Variants in EXOC4 observed in about 807,000 individuals in gnomAD.
The protein encoded by EXOC4 is exocyst complex component 4, also known as SEC8-like 1.
In EXOC4, 71 loss-of-function variants were observed where a neutral mutation model predicts 107.2. That is an observed-to-expected ratio of 0.66 (90% confidence interval 0.55 to 0.81). The LOEUF (loss-of-function observed/expected upper bound fraction) is 0.81, where lower values mean the gene tolerates loss of function less well. Ranked by LOEUF, EXOC4 falls within the 30% of genes least tolerant of loss-of-function variation. The pLI is 0.00. For missense variants in EXOC4, 1,108 were observed against 1,189.6 expected, an observed-to-expected ratio of 0.93 and a Z score of 1.01; for synonymous variants, 456 against 441.2, an observed-to-expected ratio of 1.03 and a Z score of -0.42.
At chr7:133,398,180 G>A (rs1035703183) in intron 7 of EXOC4, among the ~76,000 whole-genome samples, 7 of 152,266 alleles carry the variant, frequency 4.6e-5, no homozygotes, top group Middle Eastern at 6.8e-3. Flanking sequence ...CCTAGAATAA[G>A]GATTTTCTGC....
chr7:133,492,981 C>G (rs1399926444), intron 9 of EXOC4, among the ~76,000 whole-genome samples: 2 of 151,388 alleles, frequency 1.3e-5, no homozygotes, highest in African/African-American at 2.4e-5. Flanking sequence ...AGTGGTGGGT[C>G]TCTGGAATTG....
At position 133,802,827 on chromosome 7, in the gene EXOC4, G is replaced by A. The variant is rs1033257976; in HGVS notation, c.1515-14498G>A. 5.8e-5 allele frequency among the ~76,000 whole-genome samples: 8 copies of A among 137,906 alleles called. No homozygotes were observed. The East Asian group carries it at 8.5e-4, about 15-fold the overall frequency. 90.5% of individuals were successfully genotyped at this position (137,906 alleles called of 152,430 possible). The stretch of plus-strand genomic sequence containing the variant: ...CATGCCACTGCACTCCAGCCTGGGC[G>A]ACGAGCGAAACTCTGTCTCCACAAA... On this transcript the variant is annotated intron_variant, in intron 10 of 17. Coordinates refer to ENST00000253861, the MANE Select transcript of EXOC4 (RefSeq NM_021807.4).
chr7:133,625,365 C>T (rs1016084057), intron 9 of EXOC4, among the ~76,000 whole-genome samples: 3 of 152,266 alleles, frequency 2.0e-5, no homozygotes, highest in South Asian at 2.1e-4. Context: ...GGAATGCTGA[C>T]GCTCAGAGAA....
chr7:134,100,254 A>ACCACTGCACTCC, the EXOC4 span, among the ~76,000 whole-genome samples: 1,030 of 75,538 alleles, frequency 0.014, 123 homozygotes, highest in Admixed American at 0.021. Context: ...CTGCTGCCAC[A>ACCACTGCACTCC]AGCCTAGGAA....
intron 10 of EXOC4, among the ~76,000 whole-genome samples, chr7:133,808,376 T>C (rs936840462): frequency 6.6e-6 from 1 of 152,202 alleles, no homozygotes; most frequent in African/African-American, 2.4e-5. Context: ...TAAATATGCC[T>C]GTTGCTGCTG....
At chr7:133,497,588 G>A (rs1329339454) in intron 9 of EXOC4, among the ~76,000 whole-genome samples, 1 of 151,988 alleles carries the variant, frequency 6.6e-6, no homozygotes, top group African/African-American at 2.4e-5. Flanking sequence ...CTGCCAACAA[G>A]CCCAGCTAAC....
At chr7:133,697,476 A>G (rs1023901291) in intron 10 of EXOC4, among the ~76,000 whole-genome samples, 3 of 152,244 alleles carry the variant, frequency 2.0e-5, no homozygotes, top group African/African-American at 7.2e-5. Flanking sequence ...ATGTTAGAAT[A>G]TGGCTTGGAA....
At chr7:133,378,767 C>A (rs973004668) in intron 7 of EXOC4, among the ~76,000 whole-genome samples, 2 of 151,308 alleles carry the variant, frequency 1.3e-5, no homozygotes, top group Non-Finnish European at 2.9e-5. Context: ...TTGATTAATC[C>A]AGAAGAAAGG....
chr7:133,398,889 G>A (rs1255686585), intron 7 of EXOC4, among the ~76,000 whole-genome samples: 4 of 152,174 alleles, frequency 2.6e-5, no homozygotes, highest in Non-Finnish European at 4.4e-5. Context: ...AGAATGTAAA[G>A]CGATGTTTAA....
chr7:133,999,614 G>A (rs1157850309), intron 15 of EXOC4, among the ~76,000 whole-genome samples: 1 of 152,146 alleles, frequency 6.6e-6, no homozygotes, highest in Non-Finnish European at 1.5e-5. Context: ...ATTTGCAATA[G>A]ATGGAAGGAA....
chr7:133,821,253 A>G (rs1797514200), intron 11 of EXOC4, among the ~76,000 whole-genome samples: 1 of 152,206 alleles, frequency 6.6e-6, no homozygotes, highest in African/African-American at 2.4e-5. Context: ...TCTGAGTGGT[A>G]TTCTTTTTAT....
At chr7:133,367,201 A>G (rs760350789) in intron 6 of EXOC4, among the ~76,000 whole-genome samples, 1 of 152,186 alleles carries the variant, frequency 6.6e-6, no homozygotes, top group Non-Finnish European at 1.5e-5. Flanking sequence ...GCAGGTAGAT[A>G]ATTGAAGATT....
At chr7:133,735,046 T>TAAAAAAAA (rs3076789) in intron 10 of EXOC4, among the ~76,000 whole-genome samples, 8 of 94,698 alleles carry the variant, frequency 8.4e-5, no homozygotes, top group Non-Finnish European at 1.2e-4. Context: ...CCGTCTCTGC[T>TAAAAAAAA]AAAAAAAAAA....
intron 7 of EXOC4, among the ~76,000 whole-genome samples, chr7:133,437,155 A>G (rs1563065693): frequency 6.6e-6 from 1 of 152,130 alleles, no homozygotes; most frequent in African/African-American, 2.4e-5. Context: ...AGTACTGAAA[A>G]TATTTGCCCA....
chr7:133,800,205 A>G (rs924906701), intron 10 of EXOC4, among the ~76,000 whole-genome samples: 1 of 152,154 alleles, frequency 6.6e-6, no homozygotes, highest in Admixed American at 6.5e-5. Context: ...TCTGAAAACA[A>G]ATTTGAAATG....
intron 9 of EXOC4, among the ~76,000 whole-genome samples, chr7:133,512,723 G>T (rs1799795069): frequency 6.6e-6 from 1 of 152,188 alleles, no homozygotes; most frequent in Non-Finnish European, 1.5e-5. Context: ...CTGCGCTGTG[G>T]TTAAGCGTGG....
chr7:133,460,640 T>C (rs1225368595), intron 7 of EXOC4, among the ~76,000 whole-genome samples: 1 of 152,072 alleles, frequency 6.6e-6, no homozygotes, highest in Non-Finnish European at 1.5e-5. Flanking sequence ...AACCAAGCTG[T>C]CGACAGGTAT....
At chr7:133,969,888 T>C (rs902225121) in intron 14 of EXOC4, among the ~76,000 whole-genome samples, 7 of 152,248 alleles carry the variant, frequency 4.6e-5, no homozygotes, top group African/African-American at 1.7e-4. Context: ...TCTGCTGCTC[T>C]CTTCAGAGCT....
intron 9 of EXOC4, among the ~76,000 whole-genome samples, chr7:133,598,102 A>G (rs1256146908): frequency 6.6e-6 from 1 of 152,180 alleles, no homozygotes; most frequent in Admixed American, 6.5e-5. Flanking sequence ...TATACCAGCT[A>G]TCATGTCAGG....
Sources: allele counts gnomAD v4.1 joint callset (sites outside exome capture counted in the v4.1 genomes callset), GRCh38; gene constraint gnomAD v4.1.1; transcripts MANE v1.5; gene names NCBI Gene and HGNC (gene_info 2026-07-23, HGNC 2026-07-21).